HAT1: variants seen among roughly 807,000 people sequenced by gnomAD.
HAT1 encodes the protein histone acetyltransferase type B catalytic subunit.
HAT1 carries 20 observed loss-of-function variants against 56.6 expected under a neutral mutation model. The ratio of observed to expected loss-of-function variants is 0.35; its 90% CI spans 0.25 to 0.51. The LOEUF is 0.51. HAT1 is among the 20% of genes least tolerant of loss of function. The pLI is 0.95. For synonymous variants in HAT1, 146 were observed against 165.5 expected (o/e 0.88, Z 0.91); for missense variants, 408 against 504.3 (o/e 0.81, Z 1.83).
At chr2:171,960,053 T>C (rs1054558758) in intron 4 of HAT1, among the ~76,000 whole-genome samples, 1 of 152,204 alleles carries the variant, frequency 6.6e-6, no homozygotes, top group East Asian at 1.9e-4. Flanking sequence ...TCTTGTGTTC[T>C]GTGATAGGTG....
Position 171,979,291 on chromosome 2 carries a change from T to C in HAT1, c.1020T>C (p.Thr340=). The C allele has an allele frequency of 1.2e-6, 2 of 1,603,496 alleles. No homozygotes were observed. The highest frequency in any genetic ancestry group is 1.7e-6 in the Non-Finnish European group (2 of 1,174,064). ...ATGAAATTCTTCGACTACTGGTAAC[T>C]GACATGAGTGATGCCGAACAATACA... ...RVYEILRLLV[T]DMSDAEQYRS... The change falls in exon 10 of 11, where the codon ACT becomes ACC. Residue 340 remains threonine (T), a synonymous_variant. Transcript: ENST00000264108.
chr2:171,981,399 G>T (rs765833438), intron 10 of HAT1, among the ~76,000 whole-genome samples: 17 of 152,046 alleles, frequency 1.1e-4, no homozygotes, highest in Non-Finnish European at 2.1e-4. Flanking sequence ...AACTGTATCA[G>T]GTACACATAG....
intron 10 of HAT1, 95 bp from the exon 11 acceptor site, chr2:171,983,090 C>A: frequency 1.4e-6 from 1 of 702,144 alleles, no homozygotes; most frequent in Non-Finnish European, 2.3e-6. Flanking sequence ...CGTATTCATA[C>A]TATTCTTATT....
At chr2:171,956,242 G>C (rs1687443333) in intron 4 of HAT1, among the ~76,000 whole-genome samples, 1 of 149,480 alleles carries the variant, frequency 6.7e-6, no homozygotes, top group Admixed American at 6.8e-5. Flanking sequence ...CTAGCACTTT[G>C]GGAGGCCAAG....
Position 171,965,409 on chromosome 2 carries a change from T to C in HAT1, c.381T>C (p.Leu127=), listed in dbSNP as rs1687661068. 6.2e-7 allele frequency: 1 copy of C among 1,612,066 alleles called. No homozygotes were observed. The highest frequency in any genetic ancestry group is 8.5e-7 in the Non-Finnish European group (1 of 1,178,452). ...PGFCTNTNDF[L]SLLEKEVDFK... ...TTTGCACAAACACGAATGATTTCCTTTCTTTACTGGAAAAGGAAGTTGATT... is the reference window on the plus strand; with the variant it reads ...TTTGCACAAACACGAATGATTTCCTCTCTTTACTGGAAAAGGAAGTTGATT... The change falls in exon 5 of 11, where the codon CTT becomes CTC. Residue 127 remains leucine, a synonymous_variant. Coordinates refer to ENST00000264108, the MANE Select transcript of HAT1 (RefSeq NM_003642.4).
chr2:171,951,288 T>A (rs1687301111), intron 3 of HAT1, among the ~76,000 whole-genome samples: 1 of 152,242 alleles, frequency 6.6e-6, no homozygotes, highest in Non-Finnish European at 1.5e-5. Flanking sequence ...AGGTTTTACT[T>A]TATTATAAAA....
chr2:171,962,477 C>T (rs1687597432), intron 4 of HAT1, among the ~76,000 whole-genome samples: 1 of 152,226 alleles, frequency 6.6e-6, no homozygotes, highest in Non-Finnish European at 1.5e-5. Flanking sequence ...TCACTGCAAC[C>T]TCCGCCTCCC....
At chr2:171,947,244 A>G (rs922407955) in intron 3 of HAT1, among the ~76,000 whole-genome samples, 1 of 151,964 alleles carries the variant, frequency 6.6e-6, no homozygotes, top group Non-Finnish European at 1.5e-5. Context: ...AGAGAAGTTT[A>G]TTTATTTATT....
intron 4 of HAT1, among the ~76,000 whole-genome samples, chr2:171,963,302 A>G (rs1396213760): frequency 6.6e-6 from 1 of 151,780 alleles, no homozygotes; most frequent in Non-Finnish European, 1.5e-5. Flanking sequence ...GTAAACTTAC[A>G]CAAAGCAAAC....
chr2:171,980,073 TGCCACTGCACTTCAGCCTGGGTGACAGA>T (rs1688094601), intron 10 of HAT1: 1 of 151,928 alleles, frequency 6.6e-6, no homozygotes, highest in Non-Finnish European at 1.5e-5. Flanking sequence ...GCTGAGATTG[TGCCACTGCACTTCAGCCTGGGTGACAGA>T]ATGAAATTGT....
intron 2 of HAT1, among the ~76,000 whole-genome samples, chr2:171,943,991 A>T (rs1001646884): frequency 3.1e-4 from 47 of 152,108 alleles, no homozygotes; most frequent in Non-Finnish European, 2.5e-4. Context: ...CAAAAAATTT[A>T]AAAAATTAGT....
chr2:171,925,361 T>G (rs1375385662), intron 1 of HAT1, among the ~76,000 whole-genome samples, 176 bp from the exon 2 acceptor site: 2 of 152,202 alleles, frequency 1.3e-5, no homozygotes. Context: ...TGAGCCACCG[T>G]GCCCAGCTGG....
chr2:171,951,568 C>G (rs1308377341), intron 3 of HAT1, among the ~76,000 whole-genome samples: 1 of 151,384 alleles, frequency 6.6e-6, no homozygotes, highest in Non-Finnish European at 1.5e-5. Flanking sequence ...TACAGGCACC[C>G]ACCACCACAC....
intron 2 of HAT1, among the ~76,000 whole-genome samples, chr2:171,930,344 A>G (rs981899538): frequency 6.6e-5 from 10 of 151,794 alleles, no homozygotes; most frequent in African/African-American, 1.5e-4. Flanking sequence ...TAATTTTTGT[A>G]TTTTTTGTAG....
intron 10 of HAT1, chr2:171,980,603 C>T (rs1411062943): frequency 6.6e-6 from 1 of 152,188 alleles, no homozygotes; most frequent in Non-Finnish European, 1.5e-5. Flanking sequence ...TGCCTGTAAT[C>T]CCAGCACTTT....
At chr2:171,932,824 A>T (rs1375374671) in intron 2 of HAT1, among the ~76,000 whole-genome samples, 1 of 152,172 alleles carries the variant, frequency 6.6e-6, no homozygotes, top group Non-Finnish European at 1.5e-5. Context: ...AGCTGCGATC[A>T]TCTCACTGCA....
intron 8 of HAT1, among the ~76,000 whole-genome samples, chr2:171,970,299 T>C (rs1372229163): frequency 6.6e-6 from 1 of 151,358 alleles, no homozygotes; most frequent in African/African-American, 2.4e-5. Context: ...CATGCACTTG[T>C]AGTCCCAGCT....
intron 8 of HAT1, among the ~76,000 whole-genome samples, chr2:171,971,848 G>A (rs1488205275): frequency 3.3e-5 from 5 of 152,204 alleles, no homozygotes; most frequent in East Asian, 1.9e-4. Flanking sequence ...TTAAAAATGG[G>A]TCCTAGCCCT....
At chr2:171,938,360 C>G (rs987002403) in intron 2 of HAT1, among the ~76,000 whole-genome samples, 8 of 152,186 alleles carry the variant, frequency 5.3e-5, no homozygotes, top group African/African-American at 1.7e-4. Flanking sequence ...AATTTTTCTT[C>G]AGACCAGGGA....
Sources: allele counts gnomAD v4.1 joint callset (sites outside exome capture counted in the v4.1 genomes callset), GRCh38; gene constraint gnomAD v4.1.1; transcripts MANE v1.5; gene names NCBI Gene and HGNC (gene_info 2026-07-23, HGNC 2026-07-21).